OPCML: variants seen among roughly 807,000 people sequenced by gnomAD.
The protein encoded by OPCML is opioid-binding protein/cell adhesion molecule.
Under a neutral mutation model 37.8 loss-of-function variants are expected in OPCML, and 13 were observed. The observed-to-expected ratio is 0.34, with a 90% confidence interval of 0.22 to 0.55. The LOEUF is 0.55. Ranked by LOEUF, OPCML falls within the 20% of genes least tolerant of loss-of-function variation. The probability of loss-of-function intolerance (pLI) is 0.91; values close to 1 mark genes in which losing one functional copy is unlikely to be tolerated. For synonymous variants in OPCML, 176 were observed against 168.8 expected, an observed-to-expected ratio of 1.04 and a Z score of -0.33; for missense variants, 341 against 435.6, an observed-to-expected ratio of 0.78 and a Z score of 1.93.
intron 2 of OPCML, among the ~76,000 whole-genome samples, chr11:132,917,239 C>T (rs905841799): frequency 6.6e-6 from 1 of 152,212 alleles, no homozygotes; most frequent in Non-Finnish European, 1.5e-5. Flanking sequence ...TGCCTGCTCA[C>T]CCTAGAAACT....
chr11:132,731,503 A>G (rs1945074435), intron 2 of OPCML, among the ~76,000 whole-genome samples: 1 of 152,170 alleles, frequency 6.6e-6, no homozygotes, highest in South Asian at 2.1e-4. Context: ...TCAAAAGTTG[A>G]GTTATGTCTA....
chr11:133,060,174 C>T (rs558109896), intron 1 of OPCML, among the ~76,000 whole-genome samples: 21 of 151,064 alleles, frequency 1.4e-4, no homozygotes, highest in Admixed American at 4.0e-4. Flanking sequence ...CCCTCTCCCT[C>T]TCCCTCTCCC....
At chr11:132,902,545 A>G (rs1241866137) in intron 2 of OPCML, among the ~76,000 whole-genome samples, 1 of 152,132 alleles carries the variant, frequency 6.6e-6, no homozygotes, top group African/African-American at 2.4e-5. Context: ...GAGAAGAAAA[A>G]CAAGAATTCA....
At chr11:132,940,410 T>C (rs1284522943) in intron 2 of OPCML, among the ~76,000 whole-genome samples, 2 of 152,216 alleles carry the variant, frequency 1.3e-5, no homozygotes, top group Non-Finnish European at 2.9e-5. Flanking sequence ...AATCTAAACA[T>C]GTGATGCGCT....
chr11:133,059,282 C>A (rs565123483), intron 1 of OPCML, among the ~76,000 whole-genome samples: 1 of 152,198 alleles, frequency 6.6e-6, no homozygotes, highest in Non-Finnish European at 1.5e-5. Flanking sequence ...AAAGGATCTG[C>A]GGATTCTTTC....
chr11:133,035,642 A>C (rs1036800701), intron 1 of OPCML, among the ~76,000 whole-genome samples: 5 of 152,104 alleles, frequency 3.3e-5, no homozygotes, highest in Admixed American at 6.5e-5. Flanking sequence ...GTGCCCCCCC[A>C]AAAAATGTAC....
At chr11:133,029,511 C>A (rs185956022) in intron 1 of OPCML, among the ~76,000 whole-genome samples, 1 of 152,172 alleles carries the variant, frequency 6.6e-6, no homozygotes, top group African/African-American at 2.4e-5. Context: ...AGATGTGCTA[C>A]ATATACACCA....
intron 3 of OPCML, among the ~76,000 whole-genome samples, chr11:132,650,219 T>C (rs574018023): frequency 1.3e-5 from 2 of 152,208 alleles, no homozygotes; most frequent in African/African-American, 4.8e-5. Flanking sequence ...GGACACTAAA[T>C]CCTAAAGCCT....
At chr11:132,584,866 G>GACAGAAAACAGAAAGTAGCAT (rs2096469231) in intron 3 of OPCML, among the ~76,000 whole-genome samples, 1 of 152,150 alleles carries the variant, frequency 6.6e-6, no homozygotes, top group South Asian at 2.1e-4. Flanking sequence ...AACATTTATC[G>GACAGAAAACAGAAAGTAGCAT]ACAGAAAACA....
At chr11:132,958,484 T>G (rs896701991) in intron 1 of OPCML, among the ~76,000 whole-genome samples, 1 of 152,198 alleles carries the variant, frequency 6.6e-6, no homozygotes, top group Non-Finnish European at 1.5e-5. Context: ...GTGGCTACAC[T>G]CAACAGCAGA....
chr11:132,979,485 T>G (rs1946537883), intron 1 of OPCML, among the ~76,000 whole-genome samples: 1 of 152,192 alleles, frequency 6.6e-6, no homozygotes, highest in East Asian at 1.9e-4. Context: ...TCTCCAAACA[T>G]CCACAGGATG....
At chr11:132,699,074 T>A (rs1363397382) in intron 2 of OPCML, among the ~76,000 whole-genome samples, 1 of 152,096 alleles carries the variant, frequency 6.6e-6, no homozygotes, top group Non-Finnish European at 1.5e-5. Flanking sequence ...TGTACAAGTC[T>A]TTTACCTCCT....
At chr11:132,692,697 T>C (rs1409840756) in intron 2 of OPCML, among the ~76,000 whole-genome samples, 1 of 152,206 alleles carries the variant, frequency 6.6e-6, no homozygotes, top group East Asian at 1.9e-4. Flanking sequence ...GTGGTTAGAA[T>C]GGTGTCTGGT....
chr11:132,920,707 C>T (rs1356952465), intron 2 of OPCML, among the ~76,000 whole-genome samples: 2 of 152,188 alleles, frequency 1.3e-5, no homozygotes, highest in Admixed American at 6.5e-5. Flanking sequence ...ATTAATCTTT[C>T]GCACTCCCTG....
At chr11:132,822,094 CA>C (rs1409969862) in intron 2 of OPCML, among the ~76,000 whole-genome samples, 1 of 152,198 alleles carries the variant, frequency 6.6e-6, no homozygotes, top group Non-Finnish European at 1.5e-5. Flanking sequence ...CTCAGACCAG[CA>C]AGCCTGGCTC....
intron 1 of OPCML, among the ~76,000 whole-genome samples, chr11:133,378,661 T>TCTTA (rs1174340720): frequency 2.0e-5 from 3 of 151,272 alleles, no homozygotes; most frequent in Non-Finnish European, 4.4e-5. Context: ...TTCTTTCTTT[T>TCTTA]CTTTCTTTCT....
At chr11:133,080,715 G>C (rs11824392) in intron 1 of OPCML, among the ~76,000 whole-genome samples, 10,538 of 152,154 alleles carry the variant, frequency 0.069, 614 homozygotes, top group East Asian at 0.3. Context: ...CTTGAAGCTG[G>C]AGAGAGAATC....
At position 133,211,218 on chromosome 11, in the gene OPCML, G is replaced by A. The variant is rs990166672; in HGVS notation, c.62-268208C>T. Among the ~76,000 whole-genome samples the A allele has an allele frequency of 6.6e-6, 1 of 152,116 alleles. No homozygotes were observed. Among genetic ancestry groups the A allele is most frequent in the Non-Finnish European group, 1.5e-5 (1 of 68,014 alleles). The stretch of plus-strand genomic sequence containing the variant: ...CATTTCCCTCAGGTTCTGCTTTCTG[G>A]TGATGGTTTCCTGGGTCCCAGTGAG... On this transcript the variant is annotated intron_variant, in intron 1 of 7. Coordinates refer to ENST00000524381, the MANE Select transcript of OPCML (RefSeq NM_001012393.5). The surrounding 1 kb of genome is among the most constrained non-coding windows in gnomAD (Gnocchi z 4.1).
At chr11:132,621,845 A>G (rs1430534220) in intron 3 of OPCML, among the ~76,000 whole-genome samples, 1 of 152,166 alleles carries the variant, frequency 6.6e-6, no homozygotes, top group Non-Finnish European at 1.5e-5. Flanking sequence ...AAACATATGG[A>G]TAAGAGCACA....
Sources: gnomAD v4.1 joint callset for allele counts (sites outside exome capture counted in the v4.1 genomes callset) on GRCh38, gnomAD v4.1.1 for gene constraint, Gnocchi (gnomAD v3.1) non-coding constraint, MANE v1.5 for transcripts, NCBI Gene and HGNC (gene_info 2026-07-23, HGNC 2026-07-21) for gene names.